The following HABP2 variants were observed in gnomAD, a reference collection of about 807,000 sequenced individuals.
HABP2 encodes hyaluronan binding protein 2.
Under a neutral mutation model 66.5 loss-of-function variants are expected in HABP2, and 65 were observed. That is an observed-to-expected ratio of 0.98 (90% CI 0.80 to 1.20). HABP2 has a LOEUF of 1.20. Among genes scored for constraint, HABP2 ranks in the 50% most tolerant of loss-of-function variants. The pLI is 0.00. For synonymous variants in HABP2, 263 were observed against 253.9 expected (o/e 1.04, Z -0.34); for missense variants, 786 against 691.0 (o/e 1.14, Z -1.54).
intron 10 of HABP2, among the ~76,000 whole-genome samples, chr10:113,583,640 G>A (rs117522906): frequency 6.6e-6 from 1 of 152,312 alleles, no homozygotes; most frequent in East Asian, 1.9e-4. Context: ...TTATCACCAG[G>A]AGACAGCTCA....
At chr10:113,554,968 G>C (rs1346759074) in intron 1 of HABP2, among the ~76,000 whole-genome samples, 1 of 152,218 alleles carries the variant, frequency 6.6e-6, no homozygotes, top group African/African-American at 2.4e-5. Context: ...AAGGCGGCTT[G>C]TGTTCCACAG....
intron 1 of HABP2, among the ~76,000 whole-genome samples, chr10:113,564,266 A>G (rs897073878): frequency 6.6e-6 from 1 of 152,118 alleles, no homozygotes; most frequent in African/African-American, 2.4e-5. Flanking sequence ...TACCTCCCAC[A>G]TGGTCCCTCC....
intron 1 of HABP2, among the ~76,000 whole-genome samples, chr10:113,565,735 A>G (rs1845186195): frequency 6.6e-6 from 1 of 152,214 alleles, no homozygotes; most frequent in Non-Finnish European, 1.5e-5. Flanking sequence ...TAAATCCAGG[A>G]TCCAATTAAG....
intron 2 of HABP2, chr10:113,572,556 C>A: frequency 6.5e-6 from 2 of 307,942 alleles, no homozygotes; most frequent in Non-Finnish European, 1.3e-5. Context: ...CTTATCAAAC[C>A]CCATTGTCTC....
intron 12 of HABP2, among the ~76,000 whole-genome samples, chr10:113,586,476 G>GTGTGTGTGT (rs58122719): frequency 2.3e-5 from 2 of 86,656 alleles, no homozygotes; most frequent in African/African-American, 3.8e-5. Flanking sequence ...GTGTGTGTGT[G>GTGTGTGTGT]GGGGGGGGGG....
chr10:113,579,870 C>A (rs545369241), intron 7 of HABP2, among the ~76,000 whole-genome samples: 1 of 152,134 alleles, frequency 6.6e-6, no homozygotes, highest in South Asian at 2.1e-4. Context: ...GCAACCTCTG[C>A]CTCTCAGGTT....
At chr10:113,552,486 G>A (rs1844915688), upstream of HABP2, among the ~76,000 whole-genome samples, 1 of 151,856 alleles carries the variant, frequency 6.6e-6, no homozygotes. Flanking sequence ...AGCAAAAGGG[G>A]AAAAAATAAT....
chr10:113,559,664 T>G (rs758103563), intron 1 of HABP2, among the ~76,000 whole-genome samples: 2 of 152,178 alleles, frequency 1.3e-5, no homozygotes, highest in African/African-American at 4.8e-5. Flanking sequence ...TTTATCAAGT[T>G]CCCCAGACAA....
At chr10:113,553,213 T>A (rs1565093638) in intron 1 of HABP2, 23 bp downstream of exon 1, 1 of 1,564,036 alleles carries the variant, frequency 6.4e-7, no homozygotes, top group Admixed American at 1.7e-5. Context: ...TTCTAATATT[T>A]GTAGTTGAGA....
chr10:113,557,861 T>C (rs868093172), intron 1 of HABP2, among the ~76,000 whole-genome samples: 5 of 152,244 alleles, frequency 3.3e-5, no homozygotes, highest in Non-Finnish European at 7.3e-5. Context: ...TCAAACCCTA[T>C]GAGTTAGGGA....
At chr10:113,587,248 C>T (rs935724719) in intron 12 of HABP2, among the ~76,000 whole-genome samples, 6 of 152,106 alleles carry the variant, frequency 3.9e-5, no homozygotes, top group Non-Finnish European at 8.8e-5. Flanking sequence ...ACGTGGGAAA[C>T]GGAGGTTGCA....
At chr10:113,574,452 G>T in intron 3 of HABP2, 47 bp downstream of exon 3, 2 of 955,796 alleles carry the variant, frequency 2.1e-6, no homozygotes, top group South Asian at 2.6e-5. Flanking sequence ...GAAGGTCAGA[G>T]CGGAGTGTAT....
At chr10:113,569,393 T>C (rs974249527) in intron 2 of HABP2, among the ~76,000 whole-genome samples, 2 of 152,342 alleles carry the variant, frequency 1.3e-5, no homozygotes, top group African/African-American at 4.8e-5. Context: ...CCCTGTTCAG[T>C]GTCCGACTTA....
At chr10:113,570,335 A>T (rs941173445) in intron 2 of HABP2, among the ~76,000 whole-genome samples, 1 of 152,258 alleles carries the variant, frequency 6.6e-6, no homozygotes, top group Admixed American at 6.5e-5. Flanking sequence ...ACCTATTATT[A>T]GGATAATTTG....
At chr10:113,580,720 A>AG in intron 8 of HABP2, 28 bp downstream of exon 8, 1 of 1,167,218 alleles carries the variant, frequency 8.6e-7, no homozygotes, top group Non-Finnish European at 1.3e-6. Context: ...TCAGAAGCCC[A>AG]GGGGGTGGGG....
At chr10:113,563,265 GAT>G (rs1250038513) in intron 1 of HABP2, among the ~76,000 whole-genome samples, 2 of 152,176 alleles carry the variant, frequency 1.3e-5, no homozygotes, top group Non-Finnish European at 2.9e-5. Flanking sequence ...TGGGAGAAGA[GAT>G]AATGGAATGA....
At chr10:113,557,398 G>GT in intron 1 of HABP2, among the ~76,000 whole-genome samples, 1 of 152,138 alleles carries the variant, frequency 6.6e-6, no homozygotes, top group East Asian at 1.9e-4. Flanking sequence ...AATCACATGT[G>GT]TATACAGGCA....
At chr10:113,586,669 A>G (rs1845642470) in intron 12 of HABP2, among the ~76,000 whole-genome samples, 1 of 152,062 alleles carries the variant, frequency 6.6e-6, no homozygotes, top group Non-Finnish European at 1.5e-5. Context: ...TAGTCCCTTT[A>G]TCTGTAGGGA....
intron 2 of HABP2, among the ~76,000 whole-genome samples, chr10:113,570,926 A>G: frequency 6.6e-6 from 1 of 152,238 alleles, no homozygotes; most frequent in East Asian, 1.9e-4. Context: ...GAAACAAATA[A>G]GATAGACCAA....
Sources: allele counts gnomAD v4.1 joint callset (sites outside exome capture counted in the v4.1 genomes callset), GRCh38; gene constraint gnomAD v4.1.1; transcripts MANE v1.5; gene names NCBI Gene and HGNC (gene_info 2026-07-23, HGNC 2026-07-21).